The following GABRA5 variants were observed in gnomAD, a reference collection of about 807,000 sequenced individuals.
The protein encoded by GABRA5 is gamma-aminobutyric acid type A receptor subunit alpha5.
Under a neutral mutation model 47.3 loss-of-function variants are expected in GABRA5, and 18 were observed. The observed-to-expected ratio is 0.38, with a 90% CI of 0.26 to 0.56. The LOEUF is 0.56. Ranked by LOEUF, GABRA5 falls within the 20% of genes least tolerant of loss-of-function variation. GABRA5 has a pLI of 0.71. For synonymous variants in GABRA5, 237 were observed against 229.3 expected, an observed-to-expected ratio of 1.03 and a Z score of -0.30; for missense variants, 365 against 599.3, an observed-to-expected ratio of 0.61 and a Z score of 4.08.
chr15:26,870,276 C>T (rs1892432406), intron 3 of GABRA5, among the ~76,000 whole-genome samples: 1 of 152,196 alleles, frequency 6.6e-6, no homozygotes, highest in East Asian at 1.9e-4. Flanking sequence ...TCCCCAGGGC[C>T]ATGATGTTTT....
intron 4 of GABRA5, among the ~76,000 whole-genome samples, chr15:26,881,994 C>T (rs1892740690): frequency 6.6e-6 from 1 of 152,152 alleles, no homozygotes; most frequent in African/African-American, 2.4e-5. Flanking sequence ...GCCACAGTGC[C>T]CCGCCTAGTA....
At chr15:26,906,778 C>T (rs1893454937) in intron 6 of GABRA5, among the ~76,000 whole-genome samples, 1 of 152,060 alleles carries the variant, frequency 6.6e-6, no homozygotes, top group Admixed American at 6.5e-5. Flanking sequence ...TGTAGACGCA[C>T]ATAACAAATT....
chr15:26,895,600 C>CAGG (rs1451282523), intron 6 of GABRA5, among the ~76,000 whole-genome samples: 1 of 151,582 alleles, frequency 6.6e-6, no homozygotes, highest in Admixed American at 6.6e-5. Context: ...ATCACGAGGT[C>CAGG]AGGAGATCGA....
chr15:26,871,521 C>A (rs972186884), intron 3 of GABRA5, among the ~76,000 whole-genome samples: 9 of 152,108 alleles, frequency 5.9e-5, no homozygotes, highest in Admixed American at 6.5e-5. Context: ...GGCCAGTAAT[C>A]CATCATAAAA....
chr15:26,871,060 G>GGT lies in GABRA5; in HGVS notation c.86+1727_86+1728insTG, dbSNP rs1892459233. ...AATACAAAGATTAGCCAGGCCTGGT[G>GGT]GCACATGCCTGTAATCCCAGCCACT... On this transcript the variant is annotated intron_variant, in intron 3 of 10. Transcript: ENST00000335625. Among the ~76,000 whole-genome samples, 13 of 152,226 alleles carry GGT rather than the reference G, an allele frequency of 8.5e-5. No individual in the cohort carries two copies. In the South Asian group the frequency reaches 2.1e-3, roughly 24 times the overall value.
At chr15:26,888,522 G>T (rs1892932679) in intron 6 of GABRA5, among the ~76,000 whole-genome samples, 1 of 152,136 alleles carries the variant, frequency 6.6e-6, no homozygotes, top group Non-Finnish European at 1.5e-5. Flanking sequence ...CTAGGGTCCA[G>T]ATGGATGACC....
chr15:26,884,729 C>G (rs551273913), intron 6 of GABRA5, among the ~76,000 whole-genome samples: 2 of 152,272 alleles, frequency 1.3e-5, no homozygotes, highest in South Asian at 4.1e-4. Flanking sequence ...TTTTAAAGAA[C>G]TAAATTTTGT....
chr15:26,910,597 CA>C (rs34894641), intron 6 of GABRA5, among the ~76,000 whole-genome samples: 60,430 of 146,192 alleles, frequency 0.41, 13,302 homozygotes, highest in Non-Finnish European at 0.5. Flanking sequence ...GAGACTCCAT[CA>C]AAAAAAAAAA....
chr15:26,926,038 C>T (rs1893954490), intron 7 of GABRA5, among the ~76,000 whole-genome samples: 1 of 152,204 alleles, frequency 6.6e-6, no homozygotes, highest in African/African-American at 2.4e-5. Flanking sequence ...TTGCACCTCA[C>T]TCTCCAGCTG....
intron 8 of GABRA5, chr15:26,939,248 G>C (rs537457500): frequency 1.0e-5 from 8 of 765,300 alleles, no homozygotes; most frequent in African/African-American, 8.4e-5. Context: ...AGTTCACCGT[G>C]AGGACGGCAT....
intron 7 of GABRA5, among the ~76,000 whole-genome samples, chr15:26,933,707 T>C (rs1386604450): frequency 6.6e-6 from 1 of 152,226 alleles, no homozygotes. Context: ...ACGTGTTATC[T>C]GTTCATCCCC....
At chr15:26,890,750 G>A (rs777424420) in intron 6 of GABRA5, among the ~76,000 whole-genome samples, 3 of 152,118 alleles carry the variant, frequency 2.0e-5, no homozygotes, top group Non-Finnish European at 2.9e-5. Context: ...CATGATACAC[G>A]TGTCCTGTGT....
chr15:26,907,401 A>G (rs946506835), intron 6 of GABRA5, among the ~76,000 whole-genome samples: 4 of 152,222 alleles, frequency 2.6e-5, no homozygotes, highest in African/African-American at 9.6e-5. Flanking sequence ...TTATTCTTCT[A>G]GCTTTCTGCT....
rs939245226 is a variant in GABRA5 at position 26,948,566 on chromosome 15, AC to A, written c.*334del. 1 of 215,236 alleles carries A rather than the reference AC, an allele frequency of 4.6e-6. No individual in the cohort carries two copies. Among genetic ancestry groups the A allele is most frequent in the African/African-American group, 2.3e-5 (1 of 43,866 alleles). The allele number at this position is 215,236 out of a possible 1,614,324, so 13.3% of individuals were successfully genotyped here. On this transcript the variant is annotated 3_prime_UTR_variant, in exon 11 of 11. Transcript: ENST00000335625. ...AGTGTTACCTAACAATGTTTTTTAT[AC>A]TTCAAATGTCATTTCATACAAATTT...
rs1390737392 is a variant in GABRA5, at chr15:26,867,783, G to A, written c.-140+672G>A. The A allele has an allele frequency of 6.6e-6, 1 of 152,052 alleles. No individual in the cohort carries two copies. The highest frequency in any genetic ancestry group is 1.5e-5 in the Non-Finnish European group (1 of 68,036). The allele number at this position is 152,052 out of a possible 1,614,324, so 9.4% of individuals were successfully genotyped here. A position where few individuals can be genotyped will look rare whatever the true frequency, so the allele number is the denominator to read the frequency against. ...GCGGCGTCCCGGCGCTGCTCGCGGG[G>A]TGGACTCGGACCCCGCGGGGGTGTC... On this transcript the variant is annotated intron_variant, in intron 1 of 10. Coordinates refer to ENST00000335625, the MANE Select transcript of GABRA5 (RefSeq NM_000810.4). This position sits in a 1 kb window ranked among gnomAD's most constrained non-coding sequence, Gnocchi z 5.9.
chr15:26,893,566 C>G (rs997117587), intron 6 of GABRA5, among the ~76,000 whole-genome samples: 3 of 151,736 alleles, frequency 2.0e-5, no homozygotes, highest in Non-Finnish European at 2.9e-5. Flanking sequence ...GGTCGGGCTG[C>G]CTAGGGCTCC....
intron 3 of GABRA5, among the ~76,000 whole-genome samples, chr15:26,876,740 G>A (rs1892605666): frequency 6.6e-6 from 1 of 152,208 alleles, no homozygotes; most frequent in Non-Finnish European, 1.5e-5. Flanking sequence ...GTGACTGGAA[G>A]GGAATATGGG....
At chr15:26,887,650 C>A (rs1041192930) in intron 6 of GABRA5, among the ~76,000 whole-genome samples, 2 of 152,136 alleles carry the variant, frequency 1.3e-5, no homozygotes, top group African/African-American at 4.8e-5. Context: ...CTGCACCCAG[C>A]CCCCATGATG....
At chr15:26,892,697 G>T (rs1310913309) in intron 6 of GABRA5, among the ~76,000 whole-genome samples, 2 of 152,192 alleles carry the variant, frequency 1.3e-5, no homozygotes, top group South Asian at 2.1e-4. Flanking sequence ...ATTGCTTCAA[G>T]CAATATTAAT....
Sources: allele counts gnomAD v4.1 joint callset (sites outside exome capture counted in the v4.1 genomes callset), GRCh38; gene constraint gnomAD v4.1.1; non-coding constraint Gnocchi (gnomAD v3.1); transcripts MANE v1.5; gene names NCBI Gene and HGNC (gene_info 2026-07-23, HGNC 2026-07-21).